The following COL26A1 variants were observed in gnomAD, a reference collection of about 807,000 sequenced individuals.
COL26A1 encodes the protein collagen type XXVI alpha 1 chain.
Under a neutral mutation model 59.3 loss-of-function variants are expected in COL26A1, and 41 were observed. That is an observed-to-expected ratio of 0.69 (90% CI 0.54 to 0.90). The LOEUF (loss-of-function observed/expected upper bound fraction) is 0.90, where lower values mean the gene tolerates loss of function less well. COL26A1 is among the 40% of genes least tolerant of loss of function. The probability of loss-of-function intolerance (pLI) is 0.00; values close to 1 mark genes in which losing one functional copy is unlikely to be tolerated. For synonymous variants in COL26A1, 266 were observed against 256.0 expected (o/e 1.04, Z -0.37); for missense variants, 612 against 602.3 (o/e 1.02, Z -0.17).
chr7:101,505,294 G>C (rs538886687), intron 3 of COL26A1, among the ~76,000 whole-genome samples: 2 of 152,142 alleles, frequency 1.3e-5, no homozygotes, highest in East Asian at 3.9e-4. Context: ...TGAGTGTGTT[G>C]TGTGTATGCA....
At chr7:101,394,943 G>A (rs528756175) in intron 1 of COL26A1, among the ~76,000 whole-genome samples, 1 of 138,214 alleles carries the variant, frequency 7.2e-6, no homozygotes, top group Non-Finnish European at 1.5e-5. Context: ...GTGTGATCTC[G>A]GCTCACTGAA....
chr7:101,542,913 G>A (rs1181323972), intron 5 of COL26A1, among the ~76,000 whole-genome samples: 2 of 152,218 alleles, frequency 1.3e-5, no homozygotes, highest in Non-Finnish European at 2.9e-5. Flanking sequence ...CCATCCCACC[G>A]GGGACCCAGG....
chr7:101,398,831 C>G (rs1352279231), intron 1 of COL26A1, among the ~76,000 whole-genome samples: 1 of 152,022 alleles, frequency 6.6e-6, no homozygotes, highest in Non-Finnish European at 1.5e-5. Flanking sequence ...TATCAGGCGG[C>G]AGTCTGATTA....
chr7:101,504,128 T>C (rs1174525544), intron 3 of COL26A1, among the ~76,000 whole-genome samples: 9 of 151,794 alleles, frequency 5.9e-5, no homozygotes, highest in Admixed American at 5.9e-4. Context: ...GGGGACACAG[T>C]CTTACTCCAT....
intron 3 of COL26A1, among the ~76,000 whole-genome samples, chr7:101,492,047 A>T (rs903979019): frequency 1.3e-5 from 2 of 152,070 alleles, no homozygotes; most frequent in Non-Finnish European, 2.9e-5. Context: ...TCCTGCTGGG[A>T]TGGAATGATG....
At chr7:101,542,405 G>A (rs940538157) in intron 5 of COL26A1, among the ~76,000 whole-genome samples, 2 of 152,142 alleles carry the variant, frequency 1.3e-5, no homozygotes, top group Non-Finnish European at 2.9e-5. Context: ...CCAGCCTACA[G>A]ATATCACTCT....
intron 2 of COL26A1, among the ~76,000 whole-genome samples, chr7:101,441,352 C>T (rs955416201): frequency 1.3e-5 from 2 of 152,194 alleles, no homozygotes; most frequent in African/African-American, 4.8e-5. Flanking sequence ...CCCTCTGTCA[C>T]CCAGACTGGA....
At chr7:101,453,925 G>A (rs925290280) in intron 3 of COL26A1, among the ~76,000 whole-genome samples, 1 of 152,132 alleles carries the variant, frequency 6.6e-6, no homozygotes, top group Non-Finnish European at 1.5e-5. Flanking sequence ...GGGTTTTGCT[G>A]TGGTTCAGTG....
At chr7:101,423,190 T>G (rs1355126440) in intron 2 of COL26A1, among the ~76,000 whole-genome samples, 1 of 152,028 alleles carries the variant, frequency 6.6e-6, no homozygotes, top group Non-Finnish European at 1.5e-5. Context: ...TGCTTGAACC[T>G]GGGAGGCAGA....
chr7:101,401,837 A>G (rs1792015523), intron 1 of COL26A1, among the ~76,000 whole-genome samples: 1 of 152,076 alleles, frequency 6.6e-6, no homozygotes, highest in Admixed American at 6.6e-5. Context: ...ACTGGGCCCC[A>G]ACCCAGGACA....
chr7:101,391,253 G>C (rs1042834387), intron 1 of COL26A1, among the ~76,000 whole-genome samples: 1 of 152,212 alleles, frequency 6.6e-6, no homozygotes, highest in East Asian at 1.9e-4. Context: ...GAGCATATAG[G>C]GGGGTGTGGG....
intron 4 of COL26A1, among the ~76,000 whole-genome samples, chr7:101,539,285 T>C (rs890888483): frequency 7.8e-6 from 1 of 128,512 alleles, no homozygotes; most frequent in Admixed American, 7.3e-5. Context: ...TGTCTGTGTG[T>C]GTGTGTGTAT....
intron 1 of COL26A1, among the ~76,000 whole-genome samples, chr7:101,391,031 T>C (rs1475955752): frequency 6.6e-6 from 1 of 152,220 alleles, no homozygotes; most frequent in African/African-American, 2.4e-5. Flanking sequence ...CAAAGCCTTC[T>C]GTTCTGAGGT....
chr7:101,425,826 ATTTTTTT>A (rs531266478), intron 2 of COL26A1, among the ~76,000 whole-genome samples: 1 of 131,444 alleles, frequency 7.6e-6, no homozygotes, highest in Non-Finnish European at 1.6e-5. Flanking sequence ...TCTTAGCATA[ATTTTTTT>A]TTTTTTTTTT....
intron 3 of COL26A1, among the ~76,000 whole-genome samples, chr7:101,478,535 C>T (rs567768568): frequency 6.6e-6 from 1 of 152,260 alleles, no homozygotes; most frequent in African/African-American, 2.4e-5. Flanking sequence ...TTCAAATTAA[C>T]CGAAAGTACA....
At position 101,467,656 on chromosome 7, in the gene COL26A1, A is replaced by G. The variant is rs1343507756; in HGVS notation, c.385+19869A>G. On this transcript the variant is annotated intron_variant, in intron 3 of 12. Coordinates refer to ENST00000313669, the MANE Select transcript of COL26A1 (RefSeq NM_001278563.3). ...GCTGAGGCGGGCAGATCACGAGGTC[A>G]GGAGATCAAGACCATCCTGGCTAAC... Among the ~76,000 whole-genome samples the G allele has an allele frequency of 2.1e-5, 3 of 145,126 alleles. No individual in the cohort carries two copies. The East Asian group carries it at 5.9e-4, about 28-fold the overall frequency.
chr7:101,485,901 G>C (rs1027536644), intron 3 of COL26A1, among the ~76,000 whole-genome samples: 13 of 152,212 alleles, frequency 8.5e-5, no homozygotes, highest in Admixed American at 7.2e-4. Context: ...GCCCGGGCAC[G>C]ATGGCTCACA....
At chr7:101,465,715 AAAG>A (rs1210215610) in intron 3 of COL26A1, among the ~76,000 whole-genome samples, 5 of 151,496 alleles carry the variant, frequency 3.3e-5, no homozygotes, top group Admixed American at 6.6e-5. Context: ...AAAAAAAAGA[AAAG>A]AAAAAGAAAC....
At chr7:101,417,636 ATAT>A in intron 1 of COL26A1, among the ~76,000 whole-genome samples, 1 of 39,322 alleles carries the variant, frequency 2.5e-5, no homozygotes, top group Non-Finnish European at 1.1e-4. Flanking sequence ...ATATAGAGAT[ATAT>A]CTCTATATCT....
Sources: gnomAD v4.1 joint callset for allele counts (sites outside exome capture counted in the v4.1 genomes callset) on GRCh38, gnomAD v4.1.1 for gene constraint, MANE v1.5 for transcripts, NCBI Gene and HGNC (gene_info 2026-07-23, HGNC 2026-07-21) for gene names.